The following CUX1 variants were observed in gnomAD, a reference collection of about 807,000 sequenced individuals.
CUX1 encodes the protein cut like homeobox 1.
A neutral mutation model predicts 158.8 loss-of-function variants in CUX1; 31 were observed. That is an observed-to-expected ratio of 0.20 (90% confidence interval 0.15 to 0.26). The LOEUF is 0.26. Ranked by LOEUF, CUX1 falls within the 10% of genes least tolerant of loss-of-function variation. CUX1 has a pLI of 1.00. For synonymous variants in CUX1, 879 were observed against 862.1 expected, an observed-to-expected ratio of 1.02 and a Z score of -0.34; for missense variants, 1,589 against 2,014.6, an observed-to-expected ratio of 0.79 and a Z score of 4.04.
intron 8 of CUX1, among the ~76,000 whole-genome samples, chr7:102,137,909 A>G (rs1834067497): frequency 6.6e-6 from 1 of 152,050 alleles, no homozygotes; most frequent in Non-Finnish European, 1.5e-5. Flanking sequence ...TAGTTGGCCA[A>G]GCACACTGGC....
At chr7:101,903,705 C>T (rs924233472) in intron 1 of CUX1, among the ~76,000 whole-genome samples, 4 of 152,124 alleles carry the variant, frequency 2.6e-5, no homozygotes, top group Admixed American at 1.3e-4. Flanking sequence ...TATGCGTCTC[C>T]GAGACAGCGT....
At chr7:101,844,855 AT>A (rs2131196871) in intron 1 of CUX1, among the ~76,000 whole-genome samples, 1 of 152,198 alleles carries the variant, frequency 6.6e-6, no homozygotes, top group East Asian at 1.9e-4. Context: ...ACCTCAAGTT[AT>A]CCACCCACTT....
At chr7:102,091,382 G>A (rs1156306082) in intron 4 of CUX1, among the ~76,000 whole-genome samples, 1 of 152,064 alleles carries the variant, frequency 6.6e-6, no homozygotes, top group Non-Finnish European at 1.5e-5. Flanking sequence ...TGAGGCTGGA[G>A]TACAGTGGCA....
chr7:102,161,561 C>T (rs1194113568), intron 9 of CUX1, among the ~76,000 whole-genome samples: 1 of 152,122 alleles, frequency 6.6e-6, no homozygotes, highest in East Asian at 1.9e-4. Flanking sequence ...GGTGATTCTG[C>T]TCATTGGCAG....
intron 1 of CUX1, among the ~76,000 whole-genome samples, chr7:101,821,683 T>TTTTTTTTTTC (rs1792598501): frequency 8.9e-6 from 1 of 112,780 alleles, no homozygotes; most frequent in Non-Finnish European, 1.9e-5. Flanking sequence ...TTTTTTTTTT[T>TTTTTTTTTTC]TTTTTTTTTT....
intron 8 of CUX1, among the ~76,000 whole-genome samples, chr7:102,141,182 G>T (rs1378474545): frequency 2.6e-5 from 4 of 152,048 alleles, no homozygotes; most frequent in African/African-American, 9.7e-5. Flanking sequence ...CCCTAAAAAA[G>T]GTACTTAGCC....
At chr7:102,047,458 T>G (rs1822950743) in intron 3 of CUX1, among the ~76,000 whole-genome samples, 1 of 148,698 alleles carries the variant, frequency 6.7e-6, no homozygotes, top group Admixed American at 6.7e-5. Flanking sequence ...GATGGATGGG[T>G]GATAGGATAG....
chr7:102,214,117 A>C (rs782606298), intron 20 of CUX1, among the ~76,000 whole-genome samples: 1 of 151,878 alleles, frequency 6.6e-6, no homozygotes, highest in Admixed American at 6.6e-5. Context: ...GGGCAACAAG[A>C]GCAAAACTTC....
At chr7:102,268,436 G>T (rs1056669481) in intron 14 of CUX1, among the ~76,000 whole-genome samples, 2 of 151,786 alleles carry the variant, frequency 1.3e-5, no homozygotes, top group Admixed American at 6.6e-5. Context: ...CCTCATCTTG[G>T]TGCCTTCACA....
In CUX1 at chr7:101,919,307, CGTTT is replaced by C. The variant is rs377504558; in HGVS notation, c.141+3088_141+3091del. On this transcript the variant is annotated intron_variant, in intron 2 of 23. Coordinates refer to ENST00000292535, the MANE Select transcript of CUX1 (RefSeq NM_181552.4). Reference sequence around the variant, plus strand: ...GTGTCCCAAGGGGACACTGGGTCACCGTTTGTTTGGGGTCTCAGTCTTGAGGAGC... The same window carrying C: ...GTGTCCCAAGGGGACACTGGGTCACCGTTTGGGGTCTCAGTCTTGAGGAGC... Among the ~76,000 whole-genome samples the C allele has an allele frequency of 2.1e-4, 32 of 152,190 alleles. 1 individual carries two copies. The East Asian group carries it at 2.9e-3, about 14-fold the overall frequency.
At chr7:101,866,477 C>T (rs138631024) in intron 1 of CUX1, among the ~76,000 whole-genome samples, 154 of 150,932 alleles carry the variant, frequency 1.0e-3, no homozygotes, top group Middle Eastern at 3.4e-3. Flanking sequence ...TCAACAAGAA[C>T]AAAAACTAAC....
intron 8 of CUX1, among the ~76,000 whole-genome samples, chr7:102,122,490 A>G (rs1439655527): frequency 2.0e-5 from 3 of 151,956 alleles, no homozygotes; most frequent in African/African-American, 7.3e-5. Context: ...CTCCACACCT[A>G]AAAATTGATG....
chr7:101,887,846 T>C (rs1186358132), intron 1 of CUX1, among the ~76,000 whole-genome samples: 59 of 46,622 alleles, frequency 1.3e-3, no homozygotes, highest in African/African-American at 8.2e-3. Flanking sequence ...CGGTGACATT[T>C]TTTTTTTTTT....
chr7:102,012,019 T>G, intron 2 of CUX1, among the ~76,000 whole-genome samples: 1 of 151,404 alleles, frequency 6.6e-6, no homozygotes, highest in African/African-American at 2.4e-5. Context: ...ATGTTGGCCA[T>G]GCTGGTTGAC....
chr7:102,115,551 A>G (rs952970803), intron 8 of CUX1: 5 of 332,924 alleles, frequency 1.5e-5, no homozygotes, highest in Admixed American at 9.9e-5. Flanking sequence ...CACATGGGAC[A>G]TTTTTTGTGT....
intron 23 of CUX1, among the ~76,000 whole-genome samples, chr7:102,241,357 A>G (rs1800188504): frequency 6.6e-6 from 1 of 152,100 alleles, no homozygotes; most frequent in Non-Finnish European, 1.5e-5. Context: ...GCCATTGACC[A>G]TCTCAGGTGC....
chr7:102,263,813 C>G (rs952752281), intron 14 of CUX1, among the ~76,000 whole-genome samples: 2 of 151,838 alleles, frequency 1.3e-5, no homozygotes, highest in Non-Finnish European at 2.9e-5. Context: ...CTGCCCCAGC[C>G]TTCCGAGTAG....
At chr7:101,834,173 T>C (rs1232427674) in intron 1 of CUX1, among the ~76,000 whole-genome samples, 1 of 135,828 alleles carries the variant, frequency 7.4e-6, no homozygotes, top group East Asian at 2.1e-4. Context: ...TTCTTTTTTT[T>C]TTTTTTTTTT....
chr7:101,996,232 G>A (rs955804087), intron 2 of CUX1, among the ~76,000 whole-genome samples: 2 of 152,182 alleles, frequency 1.3e-5, no homozygotes, highest in African/African-American at 4.8e-5. Context: ...ATGCACATGA[G>A]GATGGCAGGA....
Sources: gnomAD v4.1 joint callset for allele counts (sites outside exome capture counted in the v4.1 genomes callset) on GRCh38, gnomAD v4.1.1 for gene constraint, MANE v1.5 for transcripts, NCBI Gene and HGNC (gene_info 2026-07-23, HGNC 2026-07-21) for gene names.